SND1: variants seen among roughly 807,000 people sequenced by gnomAD.
SND1 encodes the protein staphylococcal nuclease domain-containing protein 1.
SND1 carries 38 observed loss-of-function variants against 121.7 expected under a neutral mutation model. The observed-to-expected ratio is 0.31, with a 90% CI of 0.24 to 0.41. SND1 has a LOEUF of 0.41. Ranked by LOEUF, SND1 falls within the 10% of genes least tolerant of loss-of-function variation. SND1 has a pLI of 1.00. For missense variants in SND1, 868 were observed against 1,184.6 expected, an observed-to-expected ratio of 0.73 and a Z score of 3.92; for synonymous variants, 401 against 447.4, an observed-to-expected ratio of 0.90 and a Z score of 1.31.
chr7:128,091,946 G>T, intron 23 of SND1, 47 bp from the exon 24 acceptor site: 2 of 1,613,866 alleles, frequency 1.2e-6, no homozygotes, highest in Non-Finnish European at 1.7e-6. Context: ...TCTGAGTTCC[G>T]GTGGGTCCCG....
chr7:128,018,687 T>C (rs1304294838), intron 16 of SND1, among the ~76,000 whole-genome samples: 1 of 152,200 alleles, frequency 6.6e-6, no homozygotes, highest in African/African-American at 2.4e-5. Flanking sequence ...AGGCAGCCTC[T>C]GGAAGCAGTC....
rs556889844 is a variant in SND1 at position 128,021,041 on chromosome 7, G to T, written c.1779+29985G>T. 2.0e-5 allele frequency among the ~76,000 whole-genome samples: 3 copies of T among 152,130 alleles called. No individual in the cohort carries two copies. The South Asian group carries it at 6.2e-4, about 32-fold the overall frequency. On this transcript the variant is annotated intron_variant, in intron 16 of 23. Coordinates refer to ENST00000354725, the MANE Select transcript of SND1 (RefSeq NM_014390.4). ...GTTCCTTCAACAGTCTCTTCCTTAG[G>T]TTATTTTTTTCCTCTCTCCTTTCCT... is the stretch of plus-strand genomic sequence containing the variant.
chr7:127,688,154 TATTTGAGAACCTTCTGTGCCTAATGGTG>T (rs1355604584), intron 2 of SND1, among the ~76,000 whole-genome samples: 1 of 152,144 alleles, frequency 6.6e-6, no homozygotes, highest in African/African-American at 2.4e-5. Flanking sequence ...GTTTTATGGT[TATTTGAGAACCTTCTGTGCCTAATGGTG>T]ATTTGAGAAC....
At chr7:127,749,752 CA>C (rs1391103609) in intron 10 of SND1, among the ~76,000 whole-genome samples, 2 of 152,186 alleles carry the variant, frequency 1.3e-5, no homozygotes, top group Non-Finnish European at 1.5e-5. Context: ...TGGGAAACCA[CA>C]AGAAGTTCAG....
chr7:127,852,578 G>A (rs1799186336), intron 12 of SND1, among the ~76,000 whole-genome samples: 2 of 152,088 alleles, frequency 1.3e-5, no homozygotes. Context: ...GGGAGGCTGA[G>A]GCGGGCATAT....
chr7:127,888,248 A>T (rs921264756), intron 13 of SND1, among the ~76,000 whole-genome samples: 2 of 152,124 alleles, frequency 1.3e-5, no homozygotes, highest in Admixed American at 1.3e-4. Context: ...TATATATTAG[A>T]TATGATCTCC....
intron 16 of SND1, among the ~76,000 whole-genome samples, chr7:128,037,869 A>T (rs574723993): frequency 1.3e-5 from 2 of 152,320 alleles, no homozygotes; most frequent in African/African-American, 4.8e-5. Flanking sequence ...CTTTCTCTTT[A>T]CATTGTCTCT....
At chr7:128,031,959 C>T (rs559548243) in intron 16 of SND1, 3 of 150,714 alleles carry the variant, frequency 2.0e-5, no homozygotes, top group Non-Finnish European at 4.4e-5. Flanking sequence ...GGAACATAGT[C>T]CCCGCTGGCT....
intron 16 of SND1, 78 bp downstream of exon 16, chr7:127,991,134 C>T: frequency 2.0e-6 from 2 of 987,160 alleles, no homozygotes; most frequent in Non-Finnish European, 3.1e-6. Context: ...TGTCAGAGAT[C>T]AGTCTGTTGT....
chr7:127,773,304 T>C (rs1454969721), intron 10 of SND1, among the ~76,000 whole-genome samples: 1 of 151,688 alleles, frequency 6.6e-6, no homozygotes, highest in East Asian at 1.9e-4. Context: ...TGCAAAAAAT[T>C]AGCAAGGTGT....
intron 10 of SND1, among the ~76,000 whole-genome samples, chr7:127,733,182 GT>G (rs1796710522): frequency 6.6e-6 from 1 of 152,098 alleles, no homozygotes; most frequent in Admixed American, 6.5e-5. Flanking sequence ...GAAGAGGTTA[GT>G]TTTATTTCCC....
intron 15 of SND1, among the ~76,000 whole-genome samples, chr7:127,942,239 C>T (rs374589685): frequency 3.3e-5 from 5 of 152,090 alleles, no homozygotes; most frequent in African/African-American, 9.7e-5. Context: ...TAGTGTATGC[C>T]TTCAAGGGTC....
intron 14 of SND1, among the ~76,000 whole-genome samples, chr7:127,915,273 G>A (rs1800550622): frequency 6.6e-6 from 1 of 152,060 alleles, no homozygotes; most frequent in Admixed American, 6.6e-5. Flanking sequence ...CACCCAGCCT[G>A]GTGTTCATTA....
At chr7:127,673,579 T>G (rs1795563583) in intron 1 of SND1, among the ~76,000 whole-genome samples, 1 of 152,364 alleles carries the variant, frequency 6.6e-6, no homozygotes, top group African/African-American at 2.4e-5. Flanking sequence ...CCCAAAGTCC[T>G]GGGATTACAG....
At chr7:128,087,652 C>T (rs1240127479) in intron 21 of SND1, among the ~76,000 whole-genome samples, 2 of 152,124 alleles carry the variant, frequency 1.3e-5, no homozygotes, top group South Asian at 4.1e-4. Flanking sequence ...GGCAGCCTTA[C>T]AGTTTTCAGT....
In SND1 at chr7:128,029,131, C is replaced by T. The variant is rs758579040; in HGVS notation, c.1779+38075C>T. The T allele has an allele frequency of 1.2e-6, 2 of 1,614,020 alleles. No individual in the cohort carries two copies. The highest frequency in any genetic ancestry group is 3.3e-5 in the Admixed American group (2 of 60,006). ...GTGGTGTCTGTCGCGGGTACTGCCA[C>T]CTGCTTGGGCACACGGGTAGTCTGA... On this transcript the variant is annotated intron_variant, in intron 16 of 23. Transcript: ENST00000354725. This position sits in a 1 kb window ranked among gnomAD's most constrained non-coding sequence, Gnocchi z 4.2.
At position 128,045,407 on chromosome 7, in the gene SND1, A is replaced by G. The variant is rs558831336; in HGVS notation, c.1780-29095A>G. On this transcript the variant is annotated intron_variant, in intron 16 of 23. Coordinates refer to ENST00000354725, the MANE Select transcript of SND1 (RefSeq NM_014390.4). ...TCCATCCTGTCAGTTCTTATTAGAC[A>G]GCTCTTCTGCTCTACATCAAGGAGC... Among the ~76,000 whole-genome samples the G allele has an allele frequency of 2.0e-5, 3 of 152,336 alleles. No homozygotes were observed. The East Asian group carries it at 5.8e-4, about 29-fold the overall frequency.
chr7:127,701,084 G>C, intron 4 of SND1, 79 bp from the exon 5 acceptor site: 1 of 1,502,972 alleles, frequency 6.7e-7, no homozygotes, highest in Non-Finnish European at 9.1e-7. Flanking sequence ...TGAAGATGCT[G>C]AAGAAAACCT....
intron 10 of SND1, among the ~76,000 whole-genome samples, chr7:127,790,257 T>C (rs1797884015): frequency 1.3e-5 from 2 of 152,170 alleles, no homozygotes; most frequent in South Asian, 4.1e-4. Flanking sequence ...GGTCACCTTG[T>C]ACATACCTCT....
Sources: allele counts gnomAD v4.1 joint callset (sites outside exome capture counted in the v4.1 genomes callset), GRCh38; gene constraint gnomAD v4.1.1; non-coding constraint Gnocchi (gnomAD v3.1); transcripts MANE v1.5; gene names NCBI Gene and HGNC (gene_info 2026-07-23, HGNC 2026-07-21).